Variants in DPY19L2 observed in about 807,000 individuals in gnomAD.
DPY19L2 encodes the protein probable C-mannosyltransferase DPY19L2.
In DPY19L2, 34 loss-of-function variants were observed where a neutral mutation model predicts 97.9. The ratio of observed to expected loss-of-function variants is 0.35; its 90% CI spans 0.26 to 0.46. The LOEUF is 0.46. DPY19L2 is among the 20% of genes least tolerant of loss of function. The pLI is 1.00. For missense variants in DPY19L2, 623 were observed against 911.4 expected (o/e 0.68, Z 4.07); for synonymous variants, 230 against 307.9 (o/e 0.75, Z 2.65).
At chr12:63,646,578 T>C (rs1159721452) in intron 5 of DPY19L2, among the ~76,000 whole-genome samples, 1 of 152,120 alleles carries the variant, frequency 6.6e-6, no homozygotes, top group African/African-American at 2.4e-5. Flanking sequence ...AAAACTACAG[T>C]GTTAGTGTTA....
chr12:63,637,168 C>A (rs1196398134), intron 6 of DPY19L2, among the ~76,000 whole-genome samples: 6 of 152,228 alleles, frequency 3.9e-5, no homozygotes, highest in Non-Finnish European at 7.4e-5. Flanking sequence ...AATTGAATAA[C>A]CTGCTCCTGA....
intron 16 of DPY19L2, among the ~76,000 whole-genome samples, chr12:63,589,084 C>T (rs1882368196): frequency 6.6e-6 from 1 of 151,752 alleles, no homozygotes; most frequent in South Asian, 2.1e-4. Flanking sequence ...TAAAGGCTAT[C>T]TATTATATAC....
intron 2 of DPY19L2, 67 bp from the exon 3 acceptor site, chr12:63,663,912 T>A (rs1291513160): frequency 2.9e-6 from 3 of 1,026,788 alleles, no homozygotes; most frequent in Non-Finnish European, 4.4e-6. Context: ...AAATAAGCAA[T>A]AAGAAAGCCA....
upstream of DPY19L2, chr12:63,668,705 C>A (rs933603670): frequency 2.2e-5 from 8 of 355,770 alleles, no homozygotes; most frequent in Non-Finnish European, 4.1e-5. Context: ...CCCTCCCCAG[C>A]GCCTGCAGCC....
Position 63,668,078 on chromosome 12 carries a change from T to C in DPY19L2, c.316A>G (p.Ser106Gly). Residue 106 changes from serine to glycine, a missense_variant, in exon 1 of 22, where the codon AGC becomes GGC. Coordinates refer to ENST00000324472, the MANE Select transcript of DPY19L2 (RefSeq NM_173812.5). ...TCACCGATGCCGAGAGTGGTTCTGC[T>C]GGAGAACCGCCGCGCCTGCAGTTCC... Reference protein sequence around the residue: ...VQELQARRFSSRTTLGIAVFV... With the variant: ...VQELQARRFSGRTTLGIAVFV... 1.2e-6 allele frequency: 2 copies of C among 1,613,974 alleles called. No homozygotes were observed. Among genetic ancestry groups the C allele is most frequent in the South Asian group, 2.2e-5 (2 of 91,070 alleles).
intron 16 of DPY19L2, among the ~76,000 whole-genome samples, chr12:63,588,236 G>A (rs1882151076): frequency 6.6e-6 from 1 of 152,120 alleles, no homozygotes; most frequent in African/African-American, 2.4e-5. Flanking sequence ...ACCTCGTTAT[G>A]GACTAATGCA....
At chr12:63,593,391 A>G (rs1330953319) in intron 16 of DPY19L2, among the ~76,000 whole-genome samples, 1 of 151,766 alleles carries the variant, frequency 6.6e-6, no homozygotes, top group Admixed American at 6.5e-5. Context: ...GAACCAACCC[A>G]AATGTCCAAC....
chr12:63,588,758 T>G (rs181918782), intron 16 of DPY19L2, among the ~76,000 whole-genome samples: 27 of 148,436 alleles, frequency 1.8e-4, no homozygotes, highest in South Asian at 1.5e-3. Flanking sequence ...TTTTTTTTTT[T>G]TTTTTTGTTT....
intron 11 of DPY19L2, among the ~76,000 whole-genome samples, chr12:63,617,062 G>A (rs1186286262): frequency 6.6e-6 from 1 of 152,104 alleles, no homozygotes; most frequent in Non-Finnish European, 1.5e-5. Context: ...TATGATTAAA[G>A]TAAGTCTTAT....
intron 3 of DPY19L2, among the ~76,000 whole-genome samples, chr12:63,661,894 T>C (rs1190767887): frequency 5.3e-5 from 8 of 152,248 alleles, no homozygotes; most frequent in African/African-American, 1.2e-4. Context: ...ATATAGAAAA[T>C]TACTTTTTTT....
intron 6 of DPY19L2, among the ~76,000 whole-genome samples, chr12:63,631,853 A>C (rs1272705098): frequency 2.0e-5 from 3 of 152,108 alleles, no homozygotes; most frequent in African/African-American, 4.8e-5. Context: ...GCACATCAAA[A>C]AGCTTATCTA....
intron 6 of DPY19L2, among the ~76,000 whole-genome samples, chr12:63,636,694 T>C (rs1158515283): frequency 6.6e-6 from 1 of 152,020 alleles, no homozygotes; most frequent in African/African-American, 2.4e-5. Context: ...AAGAAGGCCA[T>C]TACATAATGG....
intron 16 of DPY19L2, among the ~76,000 whole-genome samples, chr12:63,588,755 T>G: frequency 6.7e-6 from 1 of 149,940 alleles, no homozygotes; most frequent in Middle Eastern, 3.4e-3. Context: ...CTTTTTTTTT[T>G]TTTTTTTTTG....
At chr12:63,590,571 T>C (rs1882719207) in intron 16 of DPY19L2, among the ~76,000 whole-genome samples, 1 of 152,084 alleles carries the variant, frequency 6.6e-6, no homozygotes, top group Non-Finnish European at 1.5e-5. Context: ...AAGACCATTA[T>C]AAAATATAAT....
In DPY19L2 at chr12:63,644,476, A is replaced by G; in HGVS notation, c.730T>C (p.Phe244Leu). 1 of 1,610,926 alleles carries G rather than the reference A, an allele frequency of 6.2e-7. No individual in the cohort carries two copies. The highest frequency in any genetic ancestry group is 1.1e-5 in the South Asian group (1 of 90,382). Residue 244 changes from phenylalanine (F) to leucine (L), a missense_variant, in exon 6 of 22, where the codon TTT becomes CTT. Transcript: ENST00000324472. ...SCEGLGDPAC[F>L]YVGVIFILNG... ...AAAATAAAGATTACACCAACATAAA[A>G]GCAAGCAGGATCTCCCAATCCTTTG...
intron 3 of DPY19L2, 85 bp from the exon 4 acceptor site, chr12:63,661,566 T>TG (rs1895686050): frequency 1.3e-6 from 1 of 762,332 alleles, no homozygotes; most frequent in East Asian, 4.2e-5. Context: ...ACTTTTTTTC[T>TG]GAAAAAAAAA....
chr12:63,661,522 A>G, intron 3 of DPY19L2, 41 bp from the exon 4 acceptor site: 4 of 1,400,516 alleles, frequency 2.9e-6, no homozygotes, highest in Non-Finnish European at 3.8e-6. Context: ...TGTAATTAAA[A>G]CTTTAAAATA....
intron 2 of DPY19L2, among the ~76,000 whole-genome samples, chr12:63,664,354 A>G (rs963301019): frequency 5.9e-5 from 9 of 151,808 alleles, no homozygotes; most frequent in African/African-American, 2.2e-4. Context: ...ACAAACAAAA[A>G]AAAACAAAAC....
At chr12:63,619,512 ACTT>A (rs1216206658) in intron 9 of DPY19L2, among the ~76,000 whole-genome samples, 17 of 151,632 alleles carry the variant, frequency 1.1e-4, no homozygotes, top group Non-Finnish European at 2.1e-4. Flanking sequence ...GCAATATCAA[ACTT>A]CTTTTTTTTT....
Sources: gnomAD v4.1 joint callset for allele counts (sites outside exome capture counted in the v4.1 genomes callset) on GRCh38, gnomAD v4.1.1 for gene constraint, MANE v1.5 for transcripts, NCBI Gene and HGNC (gene_info 2026-07-23, HGNC 2026-07-21) for gene names.